The following PNPLA7 variants were observed in gnomAD, a reference collection of about 807,000 sequenced individuals.
PNPLA7 encodes the protein patatin like domain 7, lysophospholipase, also known as patatin-like phospholipase domain-containing protein 7.
In PNPLA7, 153 loss-of-function variants were observed where a neutral mutation model predicts 161.7. The ratio of observed to expected loss-of-function variants is 0.95; its 90% CI spans 0.83 to 1.08. The LOEUF (loss-of-function observed/expected upper bound fraction) is 1.08. PNPLA7 is among the 50% of genes least tolerant of loss of function. PNPLA7 has a pLI of 0.00. For synonymous variants in PNPLA7, 809 were observed against 782.1 expected, an observed-to-expected ratio of 1.03 and a Z score of -0.57; for missense variants, 1,739 against 1,856.6, an observed-to-expected ratio of 0.94 and a Z score of 1.16.
rs1050948858 is a variant in PNPLA7, at chr9:137,543,171, C to G, written c.506+261G>C. ...AGAACCCAGGCTCCAGGCTTTGGAT[C>G]CACCACACCCTTCTTGCTCTTGCCC... On this transcript the variant is annotated intron_variant, in intron 6 of 34. Coordinates refer to ENST00000406427, the MANE Select transcript of PNPLA7 (RefSeq NM_001098537.3). The surrounding 1 kb of genome is among the most constrained non-coding windows in gnomAD (Gnocchi z 6.9). Among the ~76,000 whole-genome samples the G allele has an allele frequency of 6.6e-6, 1 of 152,188 alleles. No homozygotes were observed. The highest frequency in any genetic ancestry group is 1.5e-5 in the Non-Finnish European group (1 of 68,036).
At position 137,479,178 on chromosome 9, in the gene PNPLA7, T is replaced by C. The variant is rs751255145; in HGVS notation, c.2641A>G (p.Arg881Gly). 89 of 1,566,190 alleles carry C rather than the reference T, an allele frequency of 5.7e-5. No individual in the cohort carries two copies. Among genetic ancestry groups the C allele is most frequent in the Non-Finnish European group, 7.0e-5 (81 of 1,156,458 alleles). ...RAQKQLILLH[R>G]EEGPAPARTV... is the part of the protein sequence containing the mutation. ...CGCGCTGGCGCCGGGCCCTCCTCCC[T>C]GTGCAGCAGGATCAGCTGCTTCTGG... The change falls in exon 24 of 35, where the codon AGG becomes GGG. Residue 881 changes from arginine to glycine, a missense_variant. Physicochemically the swap from Arg to Gly is moderately radical, Grantham distance 125. Around this residue, in one of 6 missense-constraint regions of PNPLA7, gnomAD observed 703 missense variants for 694.6 expected, o/e 1.01. Coordinates refer to ENST00000406427, the MANE Select transcript of PNPLA7 (RefSeq NM_001098537.3).
rs762234547 is a variant in PNPLA7 at position 137,462,677 on chromosome 9, C to T, written c.3492+8G>A. The T allele has an allele frequency of 2.9e-5, 47 of 1,613,214 alleles. No homozygotes were observed. The highest frequency in any genetic ancestry group is 3.6e-5 in the Non-Finnish European group (43 of 1,179,750). ...AGGGACAGCCCAGCCTGCCCGGTAG[C>T]ACCCCACCTTGACTTTCGTGGCCAA... is the stretch of plus-strand genomic sequence containing the variant. On this transcript the variant is annotated splice_region_variant and intron_variant, in intron 30 of 34. Coordinates refer to ENST00000406427, the MANE Select transcript of PNPLA7 (RefSeq NM_001098537.3).
chr9:137,502,730 G>GGGGGACCC, intron 14 of PNPLA7, among the ~76,000 whole-genome samples: 1 of 40,994 alleles, frequency 2.4e-5, no homozygotes, highest in South Asian at 9.2e-4. Flanking sequence ...GCGGGGGACG[G>GGGGGACCC]GGGGGACGAG....
At chr9:137,521,318 C>T (rs979594181) in intron 10 of PNPLA7, among the ~76,000 whole-genome samples, 9 of 152,226 alleles carry the variant, frequency 5.9e-5, no homozygotes, top group African/African-American at 1.2e-4. Context: ...TGTTCACAAC[C>T]GTGTGGGCCT....
At chr9:137,488,717 C>G (rs565328818) in intron 20 of PNPLA7, among the ~76,000 whole-genome samples, 9 of 136,622 alleles carry the variant, frequency 6.6e-5, no homozygotes, top group African/African-American at 2.4e-4. Context: ...AGCAGACATC[C>G]CCCCCCAACT....
intron 21 of PNPLA7, among the ~76,000 whole-genome samples, chr9:137,481,793 G>T (rs539183132): frequency 9.2e-5 from 14 of 152,316 alleles, no homozygotes; most frequent in East Asian, 7.7e-4. Flanking sequence ...AAACTTAGCT[G>T]GGTGTGGTGG....
intron 17 of PNPLA7, 78 bp from the exon 18 acceptor site, chr9:137,497,388 A>G (rs1272547463): frequency 7.7e-7 from 1 of 1,306,440 alleles, no homozygotes; most frequent in African/African-American, 1.5e-5. Flanking sequence ...TGCCAGACAG[A>G]CTCAGGATGG....
chr9:137,478,078 C>T lies in PNPLA7; in HGVS notation c.2838G>A (p.Leu946=), dbSNP rs149071383. 5.7e-6 allele frequency: 8 copies of T among 1,404,518 alleles called. No homozygotes were observed. In the Middle Eastern group the frequency reaches 5.6e-4, roughly 98 times the overall value. The allele number at this position is 1,404,518 out of a possible 1,614,324, so 87.0% of individuals were successfully genotyped here. A position where few individuals can be genotyped will look rare whatever the true frequency, so the allele number is the denominator to read the frequency against. ...HSDFSRLARV[L]TGNAIALVLG... ...GCACCAGGGCAATGGCGTTGCCCGT[C>T]AGCACCCTCGCCAGGCGGGAGAAGT... Residue 946 remains leucine, a synonymous_variant, in exon 25 of 35, where the codon CTG becomes CTA. Coordinates refer to ENST00000406427, the MANE Select transcript of PNPLA7 (RefSeq NM_001098537.3).
intron 20 of PNPLA7, among the ~76,000 whole-genome samples, chr9:137,485,471 GAC>G (rs371902333): frequency 6.6e-6 from 1 of 152,350 alleles, no homozygotes; most frequent in East Asian, 1.9e-4. Flanking sequence ...GAGTAAACCA[GAC>G]ACACTCTCCA....
At chr9:137,519,000 C>T (rs574092425) in intron 11 of PNPLA7, among the ~76,000 whole-genome samples, 45 of 145,512 alleles carry the variant, frequency 3.1e-4, no homozygotes, top group African/African-American at 1.1e-3. Context: ...TCACTCACTC[C>T]ACTCTGTCCA....
chr9:137,461,940 G>C lies in PNPLA7; in HGVS notation c.3747C>G (p.Pro1249=), dbSNP rs544904061. The C allele has an allele frequency of 1.0e-5, 16 of 1,574,882 alleles. No individual in the cohort carries two copies. The highest frequency in any genetic ancestry group is 7.0e-5 in the East Asian group (3 of 42,620). The part of the protein sequence containing the change: ...LRDQQGPSKK[P]ASAVLTCPNA... Reference sequence around the variant, plus strand: ...GGACGCCCGTACTCACCGCACTCGCGGGCTTCTTGCTCGGCCCCTGCTGGT... The same window carrying C: ...GGACGCCCGTACTCACCGCACTCGCCGGCTTCTTGCTCGGCCCCTGCTGGT... Residue 1249 remains proline (P), a synonymous_variant, in exon 32 of 35, where the codon CCC becomes CCG. Coordinates refer to ENST00000406427, the MANE Select transcript of PNPLA7 (RefSeq NM_001098537.3).
intron 14 of PNPLA7, among the ~76,000 whole-genome samples, 169 bp downstream of exon 14, chr9:137,505,445 G>C (rs1833861810): frequency 6.6e-6 from 1 of 152,182 alleles, no homozygotes; most frequent in Non-Finnish European, 1.5e-5. Flanking sequence ...ATCTCAAGCT[G>C]CTAGCTTCCC....
At chr9:137,503,151 G>T (rs1223891559) in intron 14 of PNPLA7, among the ~76,000 whole-genome samples, 1 of 152,056 alleles carries the variant, frequency 6.6e-6, no homozygotes, top group Non-Finnish European at 1.5e-5. Context: ...GGAGGCCGAG[G>T]CAGGTAGATC....
Position 137,472,480 on chromosome 9 carries a change from G to A in PNPLA7, c.2883-5007C>T, listed in dbSNP as rs746242910. Among the ~76,000 whole-genome samples, 21 of 151,214 alleles carry A rather than the reference G, an allele frequency of 1.4e-4. 1 individual carries two copies. The highest frequency in any genetic ancestry group is 4.2e-4 in the South Asian group (2 of 4,770). On this transcript the variant is annotated intron_variant, in intron 25 of 34. Coordinates refer to ENST00000406427, the MANE Select transcript of PNPLA7 (RefSeq NM_001098537.3). The stretch of plus-strand genomic sequence containing the variant: ...AGCCTGGCCAACATGGTGAAACCCC[G>A]TCTCTACTAAAAATGCAAAAATTAG...
In PNPLA7 at chr9:137,541,511, A is replaced by G; in HGVS notation, c.667-789T>C. On this transcript the variant is annotated intron_variant, in intron 7 of 34. Transcript: ENST00000406427. The surrounding 1 kb of genome is among the most constrained non-coding windows in gnomAD (Gnocchi z 4.4). ...CGTGGGATCACAGCCCACTCCCGGG[A>G]CCACAGCTGGCAGGAGCCCTGCAGG... 1.0e-6 allele frequency: 1 copy of G among 985,402 alleles called. No individual in the cohort carries two copies. The highest frequency in any genetic ancestry group is 4.7e-5 in the South Asian group (1 of 21,292). 61.0% of individuals were successfully genotyped at this position (985,402 alleles called of 1,614,324 possible). A position where few individuals can be genotyped will look rare whatever the true frequency, so the allele number is the denominator to read the frequency against.
intron 12 of PNPLA7, 150 bp downstream of exon 12, chr9:137,515,229 G>A (rs972467928): frequency 2.9e-6 from 3 of 1,031,298 alleles, no homozygotes; most frequent in Non-Finnish European, 4.1e-6. Context: ...TAGAGCCAGA[G>A]GACAGGCACA....
At chr9:137,509,380 A>AATTG in intron 12 of PNPLA7, 1 of 174,334 alleles carries the variant, frequency 5.7e-6, no homozygotes, top group African/African-American at 2.9e-5. Context: ...GAATGAGTTT[A>AATTG]GCCGGTATGA....
In PNPLA7 at chr9:137,541,093, T is replaced by C. The variant is rs556907704; in HGVS notation, c.667-371A>G. Among the ~76,000 whole-genome samples the C allele has an allele frequency of 6.6e-6, 1 of 152,308 alleles. No individual in the cohort carries two copies. Among genetic ancestry groups the C allele is most frequent in the Non-Finnish European group, 1.5e-5 (1 of 68,016 alleles). ...AAATTCCAGAACTTTGATATAATTT[T>C]CCATTAGGTAAAAAAAGAAAAGAAA... On this transcript the variant is annotated intron_variant, in intron 7 of 34. Transcript: ENST00000406427. This position sits in a 1 kb window ranked among gnomAD's most constrained non-coding sequence, Gnocchi z 4.4.
At position 137,523,352 on chromosome 9, in the gene PNPLA7, C is replaced by T. The variant is rs191295531; in HGVS notation, c.748-495G>A. On this transcript the variant is annotated intron_variant, in intron 8 of 34. Transcript: ENST00000406427. This position sits in a 1 kb window ranked among gnomAD's most constrained non-coding sequence, Gnocchi z 4.4. ...GGGTCACCGCCTAGGACAGGGAGCG[C>T]GCACTGCCGGGTCGCACGAGGCCCA... is the stretch of plus-strand genomic sequence containing the variant. Among the ~76,000 whole-genome samples the T allele has an allele frequency of 3.9e-5, 6 of 152,106 alleles. No individual in the cohort carries two copies. Among genetic ancestry groups the T allele is most frequent in the African/African-American group, 1.2e-4 (5 of 41,516 alleles).
Sources: gnomAD v4.1 joint callset for allele counts (sites outside exome capture counted in the v4.1 genomes callset) on GRCh38, gnomAD v4.1.1 for gene constraint, gnomAD v4.1.1 regional missense constraint, Gnocchi (gnomAD v3.1) non-coding constraint, MANE v1.5 for transcripts, NCBI Gene and HGNC (gene_info 2026-07-23, HGNC 2026-07-21) for gene names.